The following PLD5 variants were observed in gnomAD, a reference collection of about 807,000 sequenced individuals.
The protein encoded by PLD5 is phospholipase D family member 5, also known as inactive phospholipase D5.
In PLD5, 36 loss-of-function variants were observed where a neutral mutation model predicts 61.1. That is an observed-to-expected ratio of 0.59 (90% CI 0.45 to 0.78). PLD5 has a LOEUF of 0.78. Ranked by LOEUF, PLD5 falls within the 30% of genes least tolerant of loss-of-function variation. PLD5 has a pLI of 0.00. For synonymous variants in PLD5, 243 were observed against 242.8 expected, an observed-to-expected ratio of 1.00 and a Z score of -0.01; for missense variants, 515 against 644.4, an observed-to-expected ratio of 0.80 and a Z score of 2.17.
chr1:242,430,011 A>T (rs1665632973), intron 1 of PLD5, among the ~76,000 whole-genome samples: 1 of 152,194 alleles, frequency 6.6e-6, no homozygotes, highest in Non-Finnish European at 1.5e-5. Flanking sequence ...GCCATGCATC[A>T]GGCCAAGCTG....
chr1:242,406,328 C>T (rs1013486506), intron 1 of PLD5, among the ~76,000 whole-genome samples: 17 of 152,142 alleles, frequency 1.1e-4, no homozygotes, highest in African/African-American at 4.1e-4. Context: ...TATTTCAATC[C>T]CCGGTTGCTT....
At chr1:242,207,831 TA>T (rs1669463895) in intron 5 of PLD5, among the ~76,000 whole-genome samples, 1 of 65,140 alleles carries the variant, frequency 1.5e-5, no homozygotes, top group Non-Finnish European at 2.6e-5. Context: ...TATTTATATA[TA>T]TTTATATATT....
chr1:242,089,957 T>G lies in PLD5; in HGVS notation c.1508A>C (p.Gln503Pro). The change falls in exon 10 of 10, where the codon CAG becomes CCG. Residue 503 changes from glutamine (Q) to proline (P), a missense_variant. Coordinates refer to ENST00000536534, the MANE Select transcript of PLD5 (RefSeq NM_001372062.1). ...TGAGCAGTTCGGCTGTTTGGTTGGC[T>G]GTAAGGTTTTGGCATACGGTGAATA... ...DWYSPYAKTLQPTKQPNCSSL... is the reference protein window; with the variant it reads ...DWYSPYAKTLPPTKQPNCSSL... The G allele has an allele frequency of 1.2e-6, 2 of 1,614,230 alleles. No homozygotes were observed. Among genetic ancestry groups the G allele is most frequent in the Non-Finnish European group, 1.7e-6 (2 of 1,180,044 alleles).
chr1:242,414,312 GATT>G (rs1664710991), intron 1 of PLD5, among the ~76,000 whole-genome samples: 1 of 152,106 alleles, frequency 6.6e-6, no homozygotes, highest in Non-Finnish European at 1.5e-5. Context: ...TAAAATTTGA[GATT>G]ATTAAATCTC....
At chr1:242,385,519 T>C (rs942681152) in intron 1 of PLD5, among the ~76,000 whole-genome samples, 5 of 152,218 alleles carry the variant, frequency 3.3e-5, no homozygotes, top group South Asian at 4.1e-4. Flanking sequence ...CTCCCAGAGC[T>C]TGGGGCCTTC....
rs1322805483 is a variant in PLD5 at position 242,084,039 on chromosome 1, C to T, written c.*5815G>A. 1 of 152,112 alleles carries T rather than the reference C, an allele frequency of 6.6e-6. No individual in the cohort carries two copies. Among genetic ancestry groups the T allele is most frequent in the Non-Finnish European group, 1.5e-5 (1 of 68,020 alleles). The allele number at this position is 152,112 out of a possible 1,614,324, so 9.4% of individuals were successfully genotyped here. A position where few individuals can be genotyped will look rare whatever the true frequency, so the allele number is the denominator to read the frequency against. On this transcript the variant is annotated 3_prime_UTR_variant, in exon 10 of 10. Coordinates refer to ENST00000536534, the MANE Select transcript of PLD5 (RefSeq NM_001372062.1). ...AGCCAAAAGGAATGGGTTTGAGAGC[C>T]AGATATCCACTTCATAAAAAGAGAT... is the stretch of plus-strand genomic sequence containing the variant.
Position 242,106,335 on chromosome 1 carries a change from T to C in PLD5, c.1239+1336A>G, listed in dbSNP as rs73130720. Among the ~76,000 whole-genome samples the C allele has an allele frequency of 9.2e-3, 1,396 of 152,346 alleles. 24 individuals are homozygous for C. Among genetic ancestry groups the C allele is most frequent in the African/African-American group, 0.03 (1,234 of 41,574 alleles). Reference sequence around the variant, plus strand: ...CCAGAAATGCACATCACTGGAAGACTCTGTGCAGTGACTGCATGAAACTTT... The same window carrying C: ...CCAGAAATGCACATCACTGGAAGACCCTGTGCAGTGACTGCATGAAACTTT... On this transcript the variant is annotated intron_variant, in intron 8 of 9. Coordinates refer to ENST00000536534, the MANE Select transcript of PLD5 (RefSeq NM_001372062.1).
intron 4 of PLD5, among the ~76,000 whole-genome samples, chr1:242,255,837 A>T (rs939616975): frequency 2.0e-5 from 3 of 152,210 alleles, no homozygotes; most frequent in Non-Finnish European, 4.4e-5. Flanking sequence ...CCAGAACTCA[A>T]CGATTTAAAA....
At chr1:242,113,128 C>T (rs369805869) in intron 7 of PLD5, among the ~76,000 whole-genome samples, 49 of 126,022 alleles carry the variant, frequency 3.9e-4, no homozygotes, top group Non-Finnish European at 4.9e-4. Flanking sequence ...CTTGCTCTGT[C>T]GCCCAGGCTG....
At chr1:242,223,120 G>T (rs1670704987) in intron 4 of PLD5, among the ~76,000 whole-genome samples, 1 of 152,250 alleles carries the variant, frequency 6.6e-6, no homozygotes, top group South Asian at 2.1e-4. Context: ...TCGACTTTCT[G>T]GTTCACAGAG....
intron 8 of PLD5, among the ~76,000 whole-genome samples, chr1:242,102,874 T>C (rs1660788279): frequency 6.6e-6 from 1 of 152,208 alleles, no homozygotes; most frequent in Non-Finnish European, 1.5e-5. Context: ...CCATCTATGA[T>C]CAAAAACATC....
rs764801217 is a variant in PLD5 at position 242,204,719 on chromosome 1, C to T, written c.735+15269G>A. Among the ~76,000 whole-genome samples, 5 of 151,944 alleles carry T rather than the reference C, an allele frequency of 3.3e-5. No homozygotes were observed. The East Asian group carries it at 5.8e-4, about 18-fold the overall frequency. Reference sequence around the variant, plus strand: ...GGCCCCCCTAACAATTGCAGGGGGTCGGTATTATTAGCTCAGTTGTAGAGA... The same window carrying T: ...GGCCCCCCTAACAATTGCAGGGGGTTGGTATTATTAGCTCAGTTGTAGAGA... On this transcript the variant is annotated intron_variant, in intron 5 of 9. Transcript: ENST00000536534.
At chr1:242,449,360 G>A (rs770525341) in intron 1 of PLD5, 43 of 1,535,936 alleles carry the variant, frequency 2.8e-5, no homozygotes, top group Admixed American at 1.4e-4. Flanking sequence ...TTACCATTGC[G>A]ACCAATCTTC....
chr1:242,231,232 C>T (rs571155225), intron 4 of PLD5, among the ~76,000 whole-genome samples: 139 of 152,294 alleles, frequency 9.1e-4, no homozygotes, highest in South Asian at 1.7e-3. Context: ...TTCCTCCTCC[C>T]TCTTCCTCCT....
chr1:242,449,235 C>A, intron 1 of PLD5: 14 of 1,285,184 alleles, frequency 1.1e-5, no homozygotes, highest in Non-Finnish European at 1.5e-5. Context: ...AAGGACAGTG[C>A]CTCAGAGCTC....
intron 1 of PLD5, among the ~76,000 whole-genome samples, chr1:242,403,336 A>C (rs1382101003): frequency 6.6e-6 from 1 of 152,186 alleles, no homozygotes; most frequent in Non-Finnish European, 1.5e-5. Flanking sequence ...CTTTCTCCCC[A>C]GAGAACCTTC....
At chr1:242,372,779 T>C (rs1396782989) in intron 1 of PLD5, among the ~76,000 whole-genome samples, 1 of 152,062 alleles carries the variant, frequency 6.6e-6, no homozygotes, top group African/African-American at 2.4e-5. Context: ...TTACACCTTA[T>C]ACAAAAATTA....
intron 5 of PLD5, among the ~76,000 whole-genome samples, chr1:242,163,484 C>CTGTGTGGATTTTATTGTAAT (rs1666044974): frequency 6.6e-6 from 1 of 152,070 alleles, no homozygotes; most frequent in Non-Finnish European, 1.5e-5. Flanking sequence ...GAGAGAAATC[C>CTGTGTGGATTTTATTGTAAT]TGTGTGGATT....
intron 1 of PLD5, among the ~76,000 whole-genome samples, chr1:242,511,219 A>G (rs571411869): frequency 1.6e-3 from 251 of 152,318 alleles, no homozygotes; most frequent in Non-Finnish European, 2.0e-3. Context: ...TACCCACAAC[A>G]TAAGATAAAT....
Sources: gnomAD v4.1 joint callset for allele counts (sites outside exome capture counted in the v4.1 genomes callset) on GRCh38, gnomAD v4.1.1 for gene constraint, MANE v1.5 for transcripts, NCBI Gene and HGNC (gene_info 2026-07-23, HGNC 2026-07-21) for gene names.